The following RNF213 variants were observed in gnomAD, a reference collection of about 807,000 sequenced individuals.
The protein encoded by RNF213 is ring finger protein 213, also known as E3 ubiquitin-protein ligase RNF213.
In RNF213, 341 loss-of-function variants were observed where a neutral mutation model predicts 514.4. The observed-to-expected ratio is 0.66, with a 90% confidence interval of 0.61 to 0.73. The LOEUF (loss-of-function observed/expected upper bound fraction) is 0.73. RNF213 is among the 30% of genes least tolerant of loss of function. The pLI is 0.00. For missense variants in RNF213, 5,767 were observed against 6,615.6 expected, an observed-to-expected ratio of 0.87 and a Z score of 4.45; for synonymous variants, 2,655 against 2,658.2, an observed-to-expected ratio of 1.00 and a Z score of 0.04.
At chr17:80,261,096 G>A (rs2043400800) in intron 1 of RNF213, among the ~76,000 whole-genome samples, 194 bp downstream of exon 1, 1 of 152,046 alleles carries the variant, frequency 6.6e-6, no homozygotes, top group Non-Finnish European at 1.5e-5. Context: ...GGCGCCCACT[G>A]ACCCTGTTCC....
chr17:80,387,707 ACT>A (rs2080294222), intron 63 of RNF213, among the ~76,000 whole-genome samples: 1 of 152,020 alleles, frequency 6.6e-6, no homozygotes, highest in African/African-American at 2.4e-5. Context: ...TAAAGCCGAC[ACT>A]CTGTTGTCTG....
intron 8 of RNF213, among the ~76,000 whole-genome samples, chr17:80,293,990 A>G (rs113543920): frequency 4.6e-5 from 7 of 152,204 alleles, no homozygotes; most frequent in Admixed American, 4.6e-4. Context: ...GTGGGTCGAA[A>G]GCATGGCAGG....
At chr17:80,271,614 A>G (rs1297814328) in intron 2 of RNF213, among the ~76,000 whole-genome samples, 1 of 152,196 alleles carries the variant, frequency 6.6e-6, no homozygotes, top group African/African-American at 2.4e-5. Flanking sequence ...CCCAGGATTG[A>G]AAACAGGGAC....
At position 80,369,670 on chromosome 17, in the gene RNF213, G is replaced by T; in HGVS notation, c.12324G>T (p.Gln4108His). 6.2e-7 allele frequency: 1 copy of T among 1,614,216 alleles called. No homozygotes were observed. The highest frequency in any genetic ancestry group is 1.3e-5 in the African/African-American group (1 of 75,068). Residue 4108 changes from glutamine to histidine, a missense_variant and splice_region_variant, in exon 45 of 68, where the codon CAG becomes CAT. By Grantham distance (24) the Gln-to-His change is conservative (BLOSUM62 0). This residue lies in a region of RNF213 where 93 missense variants were observed against 95.6 expected (regional missense o/e 0.97). Transcript: ENST00000582970. Reference protein sequence around the residue: ...VQKGRLRDAAQRHCEHTKSLS... With the variant: ...VQKGRLRDAAHRHCEHTKSLS... ...AGGGGCGCTTAAGAGATGCTGCCCAGAGTAGGTTGCTTTCTTCCTGTAAAC... is the reference window on the plus strand; with the variant it reads ...AGGGGCGCTTAAGAGATGCTGCCCATAGTAGGTTGCTTTCTTCCTGTAAAC...
chr17:80,329,223 C>G (rs551749445), intron 20 of RNF213, among the ~76,000 whole-genome samples: 2 of 152,392 alleles, frequency 1.3e-5, no homozygotes, highest in South Asian at 4.1e-4. Context: ...AGAGCACACC[C>G]TCACTGGCTT....
At chr17:80,310,045 G>T (rs1336703055) in intron 14 of RNF213, among the ~76,000 whole-genome samples, 1 of 151,484 alleles carries the variant, frequency 6.6e-6, no homozygotes, top group Non-Finnish European at 1.5e-5. Flanking sequence ...AAACCACCAC[G>T]CCCAGCCTCC....
intron 22 of RNF213, among the ~76,000 whole-genome samples, chr17:80,334,776 G>A (rs1368634077): frequency 2.6e-5 from 4 of 151,780 alleles, no homozygotes; most frequent in Non-Finnish European, 4.4e-5. Context: ...ACAGGCGACC[G>A]CCACCACGCC....
At chr17:80,333,651 G>T (rs1292934348) in intron 21 of RNF213, among the ~76,000 whole-genome samples, 1 of 150,824 alleles carries the variant, frequency 6.6e-6, no homozygotes, top group African/African-American at 2.4e-5. Flanking sequence ...CCGAGATCGT[G>T]CCACTGCACT....
rs757737720 is a variant in RNF213 at position 80,389,816 on chromosome 17, T to C, written c.15196-12T>C. The C allele has an allele frequency of 6.2e-7, 1 of 1,612,766 alleles. No homozygotes were observed. Among genetic ancestry groups the C allele is most frequent in the Non-Finnish European group, 8.5e-7 (1 of 1,179,218 alleles). On this transcript the variant is annotated splice_polypyrimidine_tract_variant and intron_variant, in intron 65 of 67. Coordinates refer to ENST00000582970, the MANE Select transcript of RNF213 (RefSeq NM_001256071.3). ...CCTCAGCCCCCACTCAGGAATTCTA[T>C]TCCTTCTGCAGGCCTTAAACAGATG... is the stretch of plus-strand genomic sequence containing the variant.
Position 80,298,469 on chromosome 17 carries a change from G to GC in RNF213, c.2162dup (p.Leu722SerfsTer42). The GC allele has an allele frequency of 6.2e-7, 1 of 1,614,164 alleles. No individual in the cohort carries two copies. ...GAGACAGCCTGAGGACACCTGGGCC[G>GC]CTCTGGAGGGACTCTCCTTCTCACC... On this transcript the variant is annotated frameshift_variant, in exon 11 of 68. Transcript: ENST00000582970. LOFTEE classifies it high-confidence loss of function.
intron 29 of RNF213, 59 bp downstream of exon 29, chr17:80,348,345 C>T (rs1430857623): frequency 5.0e-6 from 8 of 1,596,442 alleles, no homozygotes; most frequent in East Asian, 4.5e-5. Context: ...CTAAATCCCT[C>T]GTGTCAGGAT....
intron 46 of RNF213, among the ~76,000 whole-genome samples, chr17:80,370,489 C>T (rs1303971450): frequency 2.6e-5 from 4 of 152,192 alleles, no homozygotes; most frequent in Admixed American, 1.3e-4. Flanking sequence ...TTACAAAAAG[C>T]GGTGATGAGT....
chr17:80,388,584 TA>T, intron 63 of RNF213, 27 bp from the exon 64 acceptor site: 1 of 1,513,326 alleles, frequency 6.6e-7, no homozygotes, highest in East Asian at 2.3e-5. Flanking sequence ...GATTTAATTT[TA>T]AAAAACTTTT....
Position 80,375,755 on chromosome 17 carries a change from TGCAG to T in RNF213, c.13075-2_13076del. On this transcript the variant is annotated splice_acceptor_variant and splice_polypyrimidine_tract_variant and intron_variant, in intron 50 of 67. Coordinates refer to ENST00000582970, the MANE Select transcript of RNF213 (RefSeq NM_001256071.3). LOFTEE classifies it high-confidence loss of function. The stretch of plus-strand genomic sequence containing the variant: ...AATTCTTACTTGATACCCTTGATTT[TGCAG>T]GCCTGCAAGACCCCCCAAAGCCAGC... 6.3e-7 allele frequency: 1 copy of T among 1,598,408 alleles called. No homozygotes were observed. Among genetic ancestry groups the T allele is most frequent in the South Asian group, 1.1e-5 (1 of 90,754 alleles).
chr17:80,273,123 G>T, intron 2 of RNF213, 118 bp from the exon 3 acceptor site: 1 of 1,380,168 alleles, frequency 7.2e-7, no homozygotes, highest in African/African-American at 1.4e-5. Context: ...CCCAATGCAG[G>T]ACCTCGGAGG....
In RNF213 at chr17:80,274,410, G is replaced by A. The variant is rs73442436; in HGVS notation, c.261+1006G>A. ...GAGAAGGGCTCCTGGGCTCTAGCGCGGCCTGGGAAGACCCAGAGGGCAGTG... is the reference window on the plus strand; with the variant it reads ...GAGAAGGGCTCCTGGGCTCTAGCGCAGCCTGGGAAGACCCAGAGGGCAGTG... On this transcript the variant is annotated intron_variant, in intron 3 of 67. Transcript: ENST00000582970. 9.2e-3 allele frequency among the ~76,000 whole-genome samples: 1,377 copies of A among 149,538 alleles called. 21 individuals carry two copies. Among genetic ancestry groups the A allele is most frequent in the African/African-American group, 0.031 (1,266 of 40,456 alleles).
At chr17:80,293,595 G>A (rs567052227) in intron 8 of RNF213, among the ~76,000 whole-genome samples, 13 of 152,016 alleles carry the variant, frequency 8.6e-5, no homozygotes, top group South Asian at 8.3e-4. Context: ...AGGCCGAGGC[G>A]GGCGGATCAC....
chr17:80,366,695 TCA>T (rs1241843725), intron 42 of RNF213, among the ~76,000 whole-genome samples: 5 of 152,092 alleles, frequency 3.3e-5, no homozygotes, highest in African/African-American at 7.2e-5. Context: ...GTAAATGTCA[TCA>T]GTTATATAAA....
intron 67 of RNF213, among the ~76,000 whole-genome samples, chr17:80,390,898 C>G (rs2080441475): frequency 6.6e-6 from 1 of 151,912 alleles, no homozygotes; most frequent in South Asian, 2.1e-4. Flanking sequence ...TCTGTTTCTA[C>G]TAAAAATACA....
Sources: allele counts gnomAD v4.1 joint callset (sites outside exome capture counted in the v4.1 genomes callset), GRCh38; gene constraint gnomAD v4.1.1; regional missense constraint gnomAD v4.1.1; transcripts MANE v1.5; gene names NCBI Gene and HGNC (gene_info 2026-07-23, HGNC 2026-07-21).